The following RAPH1 variants were observed in gnomAD, a reference collection of about 807,000 sequenced individuals.
The protein encoded by RAPH1 is Ras association (RalGDS/AF-6) and pleckstrin homology domains 1.
A neutral mutation model predicts 88.1 loss-of-function variants in RAPH1; 18 were observed. The observed-to-expected ratio is 0.20, with a 90% confidence interval of 0.14 to 0.30. The LOEUF is 0.30. Among genes scored for constraint, RAPH1 ranks in the 10% least tolerant of loss-of-function variants. The probability of loss-of-function intolerance (pLI) is 1.00; values close to 1 mark genes in which losing one functional copy is unlikely to be tolerated. For synonymous variants in RAPH1, 587 were observed against 559.0 expected (o/e 1.05, Z -0.71); for missense variants, 1,448 against 1,543.2 (o/e 0.94, Z 1.03).
At position 203,479,213 on chromosome 2, in the gene RAPH1, C is replaced by A. The variant is rs185423163; in HGVS notation, c.732+10371G>T. Among the ~76,000 whole-genome samples, 32 of 152,272 alleles carry A rather than the reference C, an allele frequency of 2.1e-4. No individual in the cohort carries two copies. In the East Asian group the frequency reaches 4.6e-3, roughly 22 times the overall value. On this transcript the variant is annotated intron_variant, in intron 4 of 13. Coordinates refer to ENST00000319170, the MANE Select transcript of RAPH1 (RefSeq NM_213589.3). ...TAAAGGTTTTGTAAGTATATTATTT[C>A]AAAATAATTTTTCTTTAAAAAATCT...
rs1370133396 is a variant in RAPH1, at chr2:203,489,658, C to T, written c.658G>A (p.Asp220Asn). The change falls in exon 4 of 14, where the codon GAC becomes AAC. Residue 220 changes from aspartate to asparagine, a missense_variant. Coordinates refer to ENST00000319170, the MANE Select transcript of RAPH1 (RefSeq NM_213589.3). ...GTTACTTTATCAATATCCAAAGAGT[C>T]CATGCTGGAGGCTGCGGAAGTGATG... is the stretch of plus-strand genomic sequence containing the variant. Reference protein sequence around the residue: ...SSITSAASSMDSLDIDKVTRP... With the variant: ...SSITSAASSMNSLDIDKVTRP... 1 of 1,613,968 alleles carries T rather than the reference C, an allele frequency of 6.2e-7. No individual in the cohort carries two copies. The highest frequency in any genetic ancestry group is 8.5e-7 in the Non-Finnish European group (1 of 1,179,996).
At chr2:203,528,462 A>T (rs1690225836) in intron 1 of RAPH1, among the ~76,000 whole-genome samples, 1 of 152,230 alleles carries the variant, frequency 6.6e-6, no homozygotes, top group Admixed American at 6.5e-5. Flanking sequence ...TACTAGCCCA[A>T]TCTGCATAAT....
chr2:203,467,924 C>G (rs895320381), intron 4 of RAPH1, among the ~76,000 whole-genome samples: 4 of 151,774 alleles, frequency 2.6e-5, no homozygotes, highest in African/African-American at 9.7e-5. Context: ...TGCACCACCA[C>G]GCCAGGCTAA....
chr2:203,451,139 C>T (rs2153637630), intron 10 of RAPH1, among the ~76,000 whole-genome samples: 1 of 152,254 alleles, frequency 6.6e-6, no homozygotes, highest in Admixed American at 6.5e-5. Context: ...TCCTTATGGT[C>T]ATCCAGGCTC....
At chr2:203,461,955 A>G (rs531785594) in intron 4 of RAPH1, 30 bp from the exon 5 acceptor site, 2 of 1,545,712 alleles carry the variant, frequency 1.3e-6, no homozygotes, top group East Asian at 4.5e-5. Context: ...CAGATAAACA[A>G]TGCTAAGATG....
chr2:203,494,956 A>G (rs538105356), intron 2 of RAPH1, among the ~76,000 whole-genome samples: 1 of 152,254 alleles, frequency 6.6e-6, no homozygotes, highest in East Asian at 1.9e-4. Flanking sequence ...AAAAGTTTTT[A>G]GCTAATTATC....
intron 1 of RAPH1, among the ~76,000 whole-genome samples, chr2:203,523,822 T>C (rs1689998561): frequency 6.6e-6 from 1 of 151,904 alleles, no homozygotes; most frequent in South Asian, 2.1e-4. Flanking sequence ...CTGGCTAACA[T>C]GGTGAAACCC....
intron 4 of RAPH1, among the ~76,000 whole-genome samples, chr2:203,468,346 C>G (rs968039460): frequency 6.6e-6 from 1 of 152,132 alleles, no homozygotes; most frequent in East Asian, 1.9e-4. Flanking sequence ...GGGTGACTGG[C>G]AAAACGGTCT....
chr2:203,441,950 AGGCGTG>A, intron 13 of RAPH1: 1 of 1,398,344 alleles, frequency 7.2e-7, no homozygotes. Context: ...AATGTTGAGC[AGGCGTG>A]CACAGTCACA....
At chr2:203,463,467 GGCTGTCTCCCATCATTTCAA>G (rs2098525855) in intron 4 of RAPH1, among the ~76,000 whole-genome samples, 1 of 152,082 alleles carries the variant, frequency 6.6e-6, no homozygotes, top group African/African-American at 2.4e-5. Flanking sequence ...TTATACTCTA[GGCTGTCTCCCATCATTTCAA>G]GCTTAGTATT....
In RAPH1 at chr2:203,520,953, GA is replaced by G. The variant is rs1431420287; in HGVS notation, c.-1+14157del. ...ACTATCTAACTGTCCCCCAAAAGGG[GA>G]ATGGAAAAATCGGCTCATTCTGATA... On this transcript the variant is annotated intron_variant, in intron 1 of 13. Coordinates refer to ENST00000319170, the MANE Select transcript of RAPH1 (RefSeq NM_213589.3). Among the ~76,000 whole-genome samples, 3 of 152,322 alleles carry G rather than the reference GA, an allele frequency of 2.0e-5. No homozygotes were observed. In the East Asian group the frequency reaches 5.8e-4, roughly 29 times the overall value.
intron 4 of RAPH1, among the ~76,000 whole-genome samples, chr2:203,485,507 T>C (rs1299724096): frequency 6.6e-6 from 1 of 152,000 alleles, no homozygotes. Flanking sequence ...ACAGTCTTCC[T>C]GGTCCATATA....
chr2:203,526,758 T>C (rs1690138642), intron 1 of RAPH1, among the ~76,000 whole-genome samples: 1 of 150,674 alleles, frequency 6.6e-6, no homozygotes, highest in South Asian at 2.1e-4. Flanking sequence ...GAACTTAATA[T>C]GAAAGGCTCA....
Position 203,448,494 on chromosome 2 carries a change from T to C in RAPH1, c.1512+244A>G, listed in dbSNP as rs2098511952. Among the ~76,000 whole-genome samples, 1 of 152,162 alleles carries C rather than the reference T, an allele frequency of 6.6e-6. No individual in the cohort carries two copies. The highest frequency in any genetic ancestry group is 2.1e-4 in the South Asian group (1 of 4,826). ...TATAATGCATTCTCCAAAGCCAAAATAAATCACTTTGATACTACACAAGCT... is the reference window on the plus strand; with the variant it reads ...TATAATGCATTCTCCAAAGCCAAAACAAATCACTTTGATACTACACAAGCT... On this transcript the variant is annotated intron_variant, in intron 11 of 13. Transcript: ENST00000319170. This position sits in a 1 kb window ranked among gnomAD's most constrained non-coding sequence, Gnocchi z 4.1.
At chr2:203,453,346 A>G (rs1047969820) in intron 10 of RAPH1, among the ~76,000 whole-genome samples, 1 of 151,948 alleles carries the variant, frequency 6.6e-6, no homozygotes, top group Admixed American at 6.6e-5. Flanking sequence ...GGAATCTGTG[A>G]CTAGCCTAGG....
intron 10 of RAPH1, among the ~76,000 whole-genome samples, chr2:203,451,910 A>G (rs2252163): frequency 0.1 from 15,762 of 152,230 alleles, 1,653 homozygotes; most frequent in African/African-American, 0.27. Context: ...AGGGTGGTTG[A>G]GTAACTTCTG....
intron 6 of RAPH1, 81 bp downstream of exon 6, chr2:203,461,168 A>C (rs2098523927): frequency 2.9e-6 from 2 of 691,826 alleles, no homozygotes; most frequent in African/African-American, 3.7e-5. Context: ...TATAAAGATA[A>C]CTCAAAATGT....
intron 1 of RAPH1, among the ~76,000 whole-genome samples, chr2:203,497,575 AG>A (rs576287585): frequency 7.5e-4 from 114 of 152,338 alleles, no homozygotes; most frequent in African/African-American, 2.6e-3. Flanking sequence ...TAATTACTTA[AG>A]GGAAATAATT....
chr2:203,444,704 C>G (rs1430152785), intron 13 of RAPH1, 164 bp downstream of exon 13: 2 of 490,392 alleles, frequency 4.1e-6, no homozygotes, highest in Non-Finnish European at 6.9e-6. Context: ...ATCAACAGGT[C>G]TCTCTGAACT....
Sources: gnomAD v4.1 joint callset for allele counts (sites outside exome capture counted in the v4.1 genomes callset) on GRCh38, gnomAD v4.1.1 for gene constraint, Gnocchi (gnomAD v3.1) non-coding constraint, MANE v1.5 for transcripts, NCBI Gene and HGNC (gene_info 2026-07-23, HGNC 2026-07-21) for gene names.